CDV3: variants seen among roughly 807,000 people sequenced by gnomAD.
CDV3 encodes the protein CDV3 homolog, also known as protein CDV3 homolog.
A neutral mutation model predicts 24.5 loss-of-function variants in CDV3; 14 were observed. That is an observed-to-expected ratio of 0.57 (90% CI 0.38 to 0.89). CDV3 has a LOEUF of 0.89. CDV3 is among the 40% of genes least tolerant of loss of function. The pLI is 0.00. For synonymous variants in CDV3, 114 were observed against 114.1 expected (o/e 1.00, Z 0.00); for missense variants, 304 against 310.2 (o/e 0.98, Z 0.15).
intron 2 of CDV3, among the ~76,000 whole-genome samples, chr3:133,575,965 G>A (rs7617527): frequency 0.11 from 16,742 of 152,192 alleles, 1,122 homozygotes; most frequent in African/African-American, 0.19. Flanking sequence ...TTGATAAACT[G>A]TCTCCAGTTT....
chr3:133,588,203 G>A lies in CDV3; in HGVS notation c.*157G>A, dbSNP rs1048894412. On this transcript the variant is annotated 3_prime_UTR_variant, in exon 5 of 5. Transcript: ENST00000264993. ...TGCACTATGGAAGTTAAAGTGTCAC[G>A]ACTGCTCTATGCATATTGGATTTAG... 3.1e-5 allele frequency: 48 copies of A among 1,529,952 alleles called. No homozygotes were observed. Among genetic ancestry groups the A allele is most frequent in the African/African-American group, 2.5e-4 (18 of 72,114 alleles). The allele number at this position is 1,529,952 out of a possible 1,614,324, so 94.8% of individuals were successfully genotyped here.
At position 133,588,164 on chromosome 3, in the gene CDV3, A is replaced by G. The variant is rs1444550205; in HGVS notation, c.*118A>G. ...ACACCGATGCAGACCACTCGATTTC[A>G]TGACCGGCCCTATTGCACTATGGAA... On this transcript the variant is annotated 3_prime_UTR_variant, in exon 5 of 5. Transcript: ENST00000264993. 1 of 1,546,664 alleles carries G rather than the reference A, an allele frequency of 6.5e-7. No individual in the cohort carries two copies. Among genetic ancestry groups the G allele is most frequent in the African/African-American group, 1.4e-5 (1 of 72,548 alleles).
At chr3:133,585,982 C>G (rs970101494) in intron 3 of CDV3, among the ~76,000 whole-genome samples, 1 of 152,242 alleles carries the variant, frequency 6.6e-6, no homozygotes, top group African/African-American at 2.4e-5. Flanking sequence ...CAGCAGATTC[C>G]TTTTCTACTT....
At chr3:133,586,242 C>G (rs1933587544) in intron 3 of CDV3, among the ~76,000 whole-genome samples, 1 of 152,086 alleles carries the variant, frequency 6.6e-6, no homozygotes, top group Non-Finnish European at 1.5e-5. Context: ...ATTACAGGTG[C>G]CTGCCATCAT....
At chr3:133,579,019 G>A (rs1039411540) in intron 2 of CDV3, among the ~76,000 whole-genome samples, 1 of 152,184 alleles carries the variant, frequency 6.6e-6, no homozygotes, top group African/African-American at 2.4e-5. Context: ...AAAAGGTAAT[G>A]TGAAATAATA....
At chr3:133,580,429 A>G (rs2074970961) in intron 2 of CDV3, among the ~76,000 whole-genome samples, 1 of 152,188 alleles carries the variant, frequency 6.6e-6, no homozygotes, top group East Asian at 1.9e-4. Context: ...TTGGCCGGGC[A>G]CAGTGGCTCA....
At chr3:133,574,771 C>T in intron 1 of CDV3, 1 of 1,106,832 alleles carries the variant, frequency 9.0e-7, no homozygotes, top group South Asian at 3.1e-5. Flanking sequence ...TTGTGAAATT[C>T]CTATTGACTT....
In CDV3 at chr3:133,588,606, C is replaced by G. The variant is rs1286881004; in HGVS notation, c.*560C>G. 1.7e-6 allele frequency: 1 copy of G among 572,900 alleles called. No individual in the cohort carries two copies. Among genetic ancestry groups the G allele is most frequent in the Non-Finnish European group, 3.1e-6 (1 of 321,670 alleles). 35.5% of individuals were successfully genotyped at this position (572,900 alleles called of 1,614,324 possible). On this transcript the variant is annotated 3_prime_UTR_variant, in exon 5 of 5. Coordinates refer to ENST00000264993, the MANE Select transcript of CDV3 (RefSeq NM_017548.5). ...GTGCCCTACCCTTAAGGAATACTCTCTGTAGTAGGCTGTTGTTATATTAGA... is the reference window on the plus strand; with the variant it reads ...GTGCCCTACCCTTAAGGAATACTCTGTGTAGTAGGCTGTTGTTATATTAGA...
Position 133,586,573 on chromosome 3 carries a change from C to T in CDV3, c.477C>T (p.Thr159=), listed in dbSNP as rs759589279. 1.3e-6 allele frequency: 2 copies of T among 1,578,080 alleles called. No homozygotes were observed. Among genetic ancestry groups the T allele is most frequent in the Admixed American group, 1.7e-5 (1 of 58,498 alleles). Residue 159 remains threonine, a synonymous_variant, in exon 4 of 5, where the codon ACC becomes ACT. Transcript: ENST00000264993. ...APPAPVIVTE[T]PEPAMTSGVY... ...GTTATAAAATATTAGTTACAGAAAC[C>T]CCAGAACCAGCGATGACTAGTGGTG...
chr3:133,583,262 GAATTCT>G (rs1490125982), intron 2 of CDV3, among the ~76,000 whole-genome samples: 1 of 152,174 alleles, frequency 6.6e-6, no homozygotes, highest in African/African-American at 2.4e-5. Flanking sequence ...GCTGGAATGT[GAATTCT>G]AATTCTGAGA....
chr3:133,584,702 T>G (rs1483423754), intron 3 of CDV3, among the ~76,000 whole-genome samples: 1 of 152,202 alleles, frequency 6.6e-6, no homozygotes, highest in East Asian at 1.9e-4. Flanking sequence ...TATTTAACTT[T>G]CCTGTTCTTT....
At chr3:133,579,013 G>A (rs533605791) in intron 2 of CDV3, among the ~76,000 whole-genome samples, 7 of 152,320 alleles carry the variant, frequency 4.6e-5, no homozygotes, top group Admixed American at 4.6e-4. Context: ...TGAATTAAAA[G>A]GTAATGTGAA....
At chr3:133,574,930 C>A in intron 1 of CDV3, 109 bp from the exon 2 acceptor site, 1 of 793,926 alleles carries the variant, frequency 1.3e-6, no homozygotes, top group Non-Finnish European at 2.1e-6. Flanking sequence ...AAGACAAGTA[C>A]ATACTTAGTT....
At position 133,586,647 on chromosome 3, in the gene CDV3, A is replaced by T; in HGVS notation, c.551A>T (p.Gln184Leu). ...ARLTTTRKTPQGPPEIYSDTQ... is the reference protein window; with the variant it reads ...ARLTTTRKTPLGPPEIYSDTQ... ...TTAACCACAACAAGGAAAACACCAC[A>T]AGGACCACCAGAAATCTACAGTGAT... The change falls in exon 4 of 5, where the codon CAA becomes CTA. Residue 184 changes from glutamine to leucine, a missense_variant. Gln to Leu is a moderately radical substitution (Grantham distance 113). Coordinates refer to ENST00000264993, the MANE Select transcript of CDV3 (RefSeq NM_017548.5). The T allele has an allele frequency of 6.3e-7, 1 of 1,595,962 alleles. No individual in the cohort carries two copies. The highest frequency in any genetic ancestry group is 8.6e-7 in the Non-Finnish European group (1 of 1,163,404).
At position 133,573,987 on chromosome 3, in the gene CDV3, G is replaced by A; in HGVS notation, c.-58G>A. The stretch of plus-strand genomic sequence containing the variant: ...AGCCGGCCTCGACCCCGAGCTCGGA[G>A]CCCCGCGGGCCGCGCCCGCCGCCGG... On this transcript the variant is annotated 5_prime_UTR_variant, in exon 1 of 5. Transcript: ENST00000264993. 1 of 1,012,706 alleles carries A rather than the reference G, an allele frequency of 9.9e-7. No individual in the cohort carries two copies. The highest frequency in any genetic ancestry group is 1.2e-6 in the Non-Finnish European group (1 of 848,758). 62.7% of individuals were successfully genotyped at this position (1,012,706 alleles called of 1,614,324 possible). A position where few individuals can be genotyped will look rare whatever the true frequency, so the allele number is the denominator to read the frequency against.
rs1400297759 is a variant in CDV3, at chr3:133,574,031, A to G, written c.-14A>G. ...CCGCCGGCCCCACCCATCCGGGTCGAGGAGGCCGAGGCCATGGCTGAGACG... is the reference window on the plus strand; with the variant it reads ...CCGCCGGCCCCACCCATCCGGGTCGGGGAGGCCGAGGCCATGGCTGAGACG... On this transcript the variant is annotated 5_prime_UTR_variant, in exon 1 of 5. Transcript: ENST00000264993. 1.8e-6 allele frequency: 2 copies of G among 1,132,778 alleles called. No homozygotes were observed. The highest frequency in any genetic ancestry group is 2.2e-6 in the Non-Finnish European group (2 of 908,030). 70.2% of individuals were successfully genotyped at this position (1,132,778 alleles called of 1,614,324 possible). A position where few individuals can be genotyped will look rare whatever the true frequency, so the allele number is the denominator to read the frequency against.
Position 133,574,068 on chromosome 3 carries a change from C to G in CDV3, c.24C>G (p.Ser8Arg), listed in dbSNP as rs761107768. 4 of 1,233,738 alleles carry G rather than the reference C, an allele frequency of 3.2e-6. No individual in the cohort carries two copies. Among genetic ancestry groups the G allele is most frequent in the Non-Finnish European group, 3.1e-6 (3 of 962,742 alleles). 76.4% of individuals were successfully genotyped at this position (1,233,738 alleles called of 1,614,324 possible). Residue 8 changes from serine to arginine, a missense_variant, in exon 1 of 5, where the codon AGC becomes AGG. Coordinates refer to ENST00000264993, the MANE Select transcript of CDV3 (RefSeq NM_017548.5). The stretch of plus-strand genomic sequence containing the variant: ...CCATGGCTGAGACGGAGGAGCGGAG[C>G]CTGGACAACTTCTTTGCCAAGAGGG... MAETEER[S>R]LDNFFAKRDK...
In CDV3 at chr3:133,588,079, TA is replaced by T. The variant is rs1360227157; in HGVS notation, c.*34del. The T allele has an allele frequency of 6.2e-7, 1 of 1,600,948 alleles. No individual in the cohort carries two copies. The highest frequency in any genetic ancestry group is 1.7e-4 in the Middle Eastern group (1 of 5,968). On this transcript the variant is annotated 3_prime_UTR_variant, in exon 5 of 5. Transcript: ENST00000264993. The stretch of plus-strand genomic sequence containing the variant: ...GCTTTGCTAACCCTTCTGAGGTAAC[TA>T]GACTGCAGCTAACCACCACCAACAG...
Position 133,589,467 on chromosome 3 carries a change from C to CT in CDV3, c.*1422dup, listed in dbSNP as rs1317045676. ...CCCAGGATTACAGAAGAGTGTCCAC[C>CT]TAACAAGATGGTCTGGCAGTTTCCT... On this transcript the variant is annotated 3_prime_UTR_variant, in exon 5 of 5. Transcript: ENST00000264993. 6.6e-6 allele frequency: 1 copy of CT among 152,606 alleles called. No individual in the cohort carries two copies. Among genetic ancestry groups the CT allele is most frequent in the East Asian group, 1.9e-4 (1 of 5,202 alleles). The allele number at this position is 152,606 out of a possible 1,614,324, so 9.5% of individuals were successfully genotyped here.
Sources: allele counts gnomAD v4.1 joint callset (sites outside exome capture counted in the v4.1 genomes callset), GRCh38; gene constraint gnomAD v4.1.1; transcripts MANE v1.5; gene names NCBI Gene and HGNC (gene_info 2026-07-23, HGNC 2026-07-21).